The following NRXN3 variants were observed in gnomAD, a reference collection of about 807,000 sequenced individuals.
NRXN3 encodes neurexin III.
In NRXN3, 32 loss-of-function variants were observed where a neutral mutation model predicts 137.6. That is an observed-to-expected ratio of 0.23 (90% confidence interval 0.18 to 0.31). The LOEUF is 0.31. Among genes scored for constraint, NRXN3 ranks in the 10% least tolerant of loss-of-function variants. The probability of loss-of-function intolerance (pLI) is 1.00; values close to 1 mark genes in which losing one functional copy is unlikely to be tolerated. For missense variants in NRXN3, 1,574 were observed against 2,062.5 expected (o/e 0.76, Z 4.59); for synonymous variants, 798 against 784.5 (o/e 1.02, Z -0.29).
At chr14:79,402,154 A>G (rs1261013979) in intron 15 of NRXN3, among the ~76,000 whole-genome samples, 2 of 152,050 alleles carry the variant, frequency 1.3e-5, no homozygotes, top group Admixed American at 6.5e-5. Context: ...AGGCTGGCCT[A>G]GAACTCCCTG....
At chr14:79,386,062 C>T (rs2094606134) in intron 15 of NRXN3, among the ~76,000 whole-genome samples, 2 of 152,140 alleles carry the variant, frequency 1.3e-5, no homozygotes, top group Admixed American at 1.3e-4. Flanking sequence ...GATGTCCTCT[C>T]TCACCACTCC....
At chr14:78,498,885 C>T (rs930090679) in intron 4 of NRXN3, among the ~76,000 whole-genome samples, 6 of 151,908 alleles carry the variant, frequency 3.9e-5, no homozygotes, top group African/African-American at 1.5e-4. Context: ...CTCAGCCTCC[C>T]AAGTAGTTGG....
chr14:78,734,757 C>A (rs981779927), intron 8 of NRXN3, among the ~76,000 whole-genome samples: 1 of 151,980 alleles, frequency 6.6e-6, no homozygotes, highest in African/African-American at 2.4e-5. Context: ...TTACAAAGCC[C>A]AATAGGTAAA....
rs146946393 is a variant in NRXN3 at position 78,934,514 on chromosome 14, G to A, written c.2276-22728G>A. Among the ~76,000 whole-genome samples, 423 of 152,238 alleles carry A rather than the reference G, an allele frequency of 2.8e-3. 1 individual carries two copies. The highest frequency in any genetic ancestry group is 3.5e-3 in the Non-Finnish European group (235 of 68,026). ...TGAGGAAGAAGGCAGATTGCTGGAC[G>A]GATTCACAAACCACGGCAGCTCCAA... On this transcript the variant is annotated intron_variant, in intron 10 of 20. Transcript: ENST00000335750.
chr14:79,690,923 C>G (rs2098714245), intron 17 of NRXN3, among the ~76,000 whole-genome samples: 1 of 152,006 alleles, frequency 6.6e-6, no homozygotes, highest in South Asian at 2.1e-4. Context: ...TCCAAGCCAC[C>G]TGGTTTGAGA....
intron 4 of NRXN3, among the ~76,000 whole-genome samples, chr14:78,460,077 C>T (rs531448203): frequency 1.3e-5 from 2 of 152,376 alleles, no homozygotes; most frequent in East Asian, 3.9e-4. Context: ...GCTTTATTTA[C>T]ATCTACCCAT....
intron 15 of NRXN3, among the ~76,000 whole-genome samples, chr14:79,452,546 G>C (rs1019380949): frequency 1.3e-5 from 2 of 152,176 alleles, no homozygotes; most frequent in African/African-American, 4.8e-5. Context: ...GGTGTAGAAA[G>C]TGCCTTATTC....
chr14:79,846,114 A>T (rs1334675288), intron 20 of NRXN3, among the ~76,000 whole-genome samples: 2 of 152,174 alleles, frequency 1.3e-5, no homozygotes, highest in Non-Finnish European at 2.9e-5. Flanking sequence ...TAGAAATGTG[A>T]GAATTACCAA....
chr14:78,880,659 G>A (rs1280161760), intron 10 of NRXN3, among the ~76,000 whole-genome samples: 1 of 152,100 alleles, frequency 6.6e-6, no homozygotes, highest in African/African-American at 2.4e-5. Context: ...AGAGTATCAA[G>A]AATACCTGTT....
chr14:79,589,550 T>A (rs1347537625), intron 16 of NRXN3, among the ~76,000 whole-genome samples: 49 of 86,982 alleles, frequency 5.6e-4, no homozygotes, highest in East Asian at 6.9e-4. Flanking sequence ...GTAGAATACC[T>A]AAAAAAAAAA....
Position 79,478,663 on chromosome 14 carries a change from G to A in NRXN3, c.3444+11261G>A, listed in dbSNP as rs1424055525. Among the ~76,000 whole-genome samples the A allele has an allele frequency of 3.3e-5, 5 of 152,098 alleles. No homozygotes were observed. In the East Asian group the frequency reaches 5.8e-4, roughly 18 times the overall value. ...ATGACAGAATGCAAGTGAGCATGCC[G>A]TGTCATCATTGAAAAGTCCTACAAA... On this transcript the variant is annotated intron_variant, in intron 16 of 20. Transcript: ENST00000335750.
At chr14:79,374,286 A>C (rs2094196882) in intron 15 of NRXN3, among the ~76,000 whole-genome samples, 1 of 152,156 alleles carries the variant, frequency 6.6e-6, no homozygotes, top group Non-Finnish European at 1.5e-5. Flanking sequence ...ACCCCAGAAA[A>C]GACTGAAGAA....
At chr14:78,595,474 T>C (rs2097151014) in intron 4 of NRXN3, among the ~76,000 whole-genome samples, 1 of 152,144 alleles carries the variant, frequency 6.6e-6, no homozygotes, top group African/African-American at 2.4e-5. Flanking sequence ...CAGTGTCTTG[T>C]AGCAAGGTAG....
chr14:78,437,742 C>G (rs1183842700), intron 4 of NRXN3, among the ~76,000 whole-genome samples: 2 of 152,172 alleles, frequency 1.3e-5, no homozygotes, highest in African/African-American at 4.8e-5. Flanking sequence ...ATTGCCTAGA[C>G]TCACTAAAAA....
intron 15 of NRXN3, among the ~76,000 whole-genome samples, chr14:79,328,323 A>G (rs972184653): frequency 6.6e-6 from 1 of 152,204 alleles, no homozygotes; most frequent in African/African-American, 2.4e-5. Context: ...TAAAGTTTTG[A>G]TTGGAACTTG....
At chr14:78,183,288 T>A (rs1268156402) in intron 1 of NRXN3, among the ~76,000 whole-genome samples, 5 of 152,188 alleles carry the variant, frequency 3.3e-5, no homozygotes, top group Non-Finnish European at 7.3e-5. Context: ...TTCCCTTTCA[T>A]CCCTAGTTGC....
intron 4 of NRXN3, among the ~76,000 whole-genome samples, chr14:78,462,512 C>G (rs543197893): frequency 7.2e-5 from 11 of 152,172 alleles, no homozygotes; most frequent in Non-Finnish European, 1.5e-4. Flanking sequence ...CTTCTCTCTT[C>G]CCCTGTCTTA....
At chr14:79,473,044 G>T (rs2153626428) in intron 16 of NRXN3, among the ~76,000 whole-genome samples, 1 of 152,252 alleles carries the variant, frequency 6.6e-6, no homozygotes, top group Middle Eastern at 3.4e-3. Flanking sequence ...CAGGAACAGT[G>T]AAAATTTATG....
intron 15 of NRXN3, chr14:79,201,451 G>T (rs917017922): frequency 1.3e-5 from 2 of 151,992 alleles, no homozygotes; most frequent in African/African-American, 2.4e-5. Context: ...CCAGGCTGTT[G>T]GGCTGTTTCT....
Sources: gnomAD v4.1 joint callset for allele counts (sites outside exome capture counted in the v4.1 genomes callset) on GRCh38, gnomAD v4.1.1 for gene constraint, MANE v1.5 for transcripts, NCBI Gene and HGNC (gene_info 2026-07-23, HGNC 2026-07-21) for gene names.